The following HDAC9 variants were observed in gnomAD, a reference collection of about 807,000 sequenced individuals.
HDAC9 encodes MEF-2 interacting transcription repressor (MITR) protein.
Under a neutral mutation model 139.4 loss-of-function variants are expected in HDAC9, and 41 were observed. The observed-to-expected ratio is 0.29, with a 90% CI of 0.23 to 0.38. The LOEUF (loss-of-function observed/expected upper bound fraction) is 0.38. Ranked by LOEUF, HDAC9 falls within the 10% of genes least tolerant of loss-of-function variation. HDAC9 has a pLI of 1.00. For synonymous variants in HDAC9, 517 were observed against 476.2 expected (o/e 1.09, Z -1.12); for missense variants, 1,147 against 1,297.0 (o/e 0.88, Z 1.78).
chr7:18,290,422 A>G (rs1190222621), exon 1 of HDAC9: 1 of 454,586 alleles, frequency 2.2e-6, no homozygotes, highest in East Asian at 6.9e-5. Context: ...GTGGCTCTTT[A>G]ATATTATAAC....
At chr7:18,434,185 T>C (rs1393176133) in intron 1 of HDAC9, among the ~76,000 whole-genome samples, 1 of 152,198 alleles carries the variant, frequency 6.6e-6, no homozygotes, top group East Asian at 1.9e-4. Context: ...ATATAATATA[T>C]GGCACTGGAG....
intron 12 of HDAC9, among the ~76,000 whole-genome samples, chr7:18,711,382 A>G (rs976257845): frequency 6.6e-6 from 1 of 152,184 alleles, no homozygotes; most frequent in African/African-American, 2.4e-5. Context: ...TGGTAGTCTG[A>G]CTACTGGAGT....
chr7:18,146,409 T>G (rs1312735557), intron 1 of HDAC9, among the ~76,000 whole-genome samples: 1 of 152,182 alleles, frequency 6.6e-6, no homozygotes, highest in African/African-American at 2.4e-5. Context: ...GGGCTCAGGC[T>G]TGGCTTGGTC....
At chr7:18,483,300 A>G (rs768169956) in intron 1 of HDAC9, among the ~76,000 whole-genome samples, 6 of 152,204 alleles carry the variant, frequency 3.9e-5, no homozygotes, top group Non-Finnish European at 7.3e-5. Flanking sequence ...GCAACTAGAA[A>G]GGACATGTGC....
chr7:18,985,766 C>G (rs1785295707), intron 25 of HDAC9, among the ~76,000 whole-genome samples: 2 of 141,898 alleles, frequency 1.4e-5, no homozygotes, highest in South Asian at 4.5e-4. Flanking sequence ...ACCATTCTAA[C>G]TGGTGTGAGA....
Position 18,432,950 on chromosome 7 carries a change from TA to T in HDAC9, c.-41-63297del, listed in dbSNP as rs371784284. The stretch of plus-strand genomic sequence containing the variant: ...TGGGCAACAGAATGAGACTCTGTCT[TA>T]AAAAAAAAAAAAAAGAAAAGAAATA... On this transcript the variant is annotated intron_variant, in intron 1 of 3. Coordinates refer to the HDAC9 transcript ENST00000413509. Among the ~76,000 whole-genome samples, 463 of 130,710 alleles carry T rather than the reference TA, an allele frequency of 3.5e-3. 1 individual carries two copies. Among genetic ancestry groups the T allele is most frequent in the Non-Finnish European group, 3.6e-3 (219 of 60,484 alleles). The allele number at this position is 130,710 out of a possible 152,430, so 85.8% of individuals were successfully genotyped here.
intron 12 of HDAC9, among the ~76,000 whole-genome samples, chr7:18,721,728 C>T (rs1426958396): frequency 2.0e-5 from 3 of 151,882 alleles, no homozygotes; most frequent in Non-Finnish European, 4.4e-5. Flanking sequence ...AACAAGAAAG[C>T]AAAGCAAAAC....
intron 12 of HDAC9, among the ~76,000 whole-genome samples, chr7:18,725,631 A>G (rs1392484910): frequency 6.6e-6 from 1 of 152,168 alleles, no homozygotes; most frequent in East Asian, 1.9e-4. Context: ...ATTATAGTAG[A>G]AAGAAAGGGA....
At chr7:18,782,973 C>T (rs1031067919) in intron 16 of HDAC9, among the ~76,000 whole-genome samples, 2 of 152,068 alleles carry the variant, frequency 1.3e-5, no homozygotes, top group East Asian at 3.9e-4. Context: ...CAATGATGTC[C>T]TTGCCAATGC....
chr7:18,749,949 T>C (rs1788300253), intron 14 of HDAC9, among the ~76,000 whole-genome samples: 1 of 152,234 alleles, frequency 6.6e-6, no homozygotes, highest in Non-Finnish European at 1.5e-5. Context: ...ACTGGGTCTC[T>C]GTTAGGTTCT....
rs530706130 is a variant in HDAC9, at chr7:18,910,516, A to G, written c.2804-25293A>G. On this transcript the variant is annotated intron_variant, in intron 22 of 25. Transcript: ENST00000686413. ...AGGGAGTTTGACTTTCTCCTTTCCCATGTGAATGCCTTTTATGTTTTTCTC... is the reference window on the plus strand; with the variant it reads ...AGGGAGTTTGACTTTCTCCTTTCCCGTGTGAATGCCTTTTATGTTTTTCTC... Among the ~76,000 whole-genome samples the G allele has an allele frequency of 4.4e-4, 67 of 151,918 alleles. 1 individual carries two copies. Among genetic ancestry groups the G allele is most frequent in the Non-Finnish European group, 8.2e-4 (56 of 67,882 alleles).
intron 2 of HDAC9, among the ~76,000 whole-genome samples, chr7:18,170,579 G>T (rs1241673122): frequency 6.6e-6 from 1 of 151,858 alleles, no homozygotes; most frequent in Non-Finnish European, 1.5e-5. Context: ...TATGGTTTTA[G>T]GTCTAACATT....
chr7:18,636,802 C>T (rs1784035136), intron 8 of HDAC9, among the ~76,000 whole-genome samples: 1 of 151,922 alleles, frequency 6.6e-6, no homozygotes, highest in Admixed American at 6.6e-5. Context: ...TTTGTTAGTG[C>T]AGTTATATCT....
chr7:18,755,595 G>T (rs950066721), intron 14 of HDAC9, among the ~76,000 whole-genome samples: 1 of 152,076 alleles, frequency 6.6e-6, no homozygotes, highest in Non-Finnish European at 1.5e-5. Context: ...TTGCAATGTA[G>T]GGGGTTCAGT....
chr7:18,497,996 A>C (rs1797375854), intron 2 of HDAC9, among the ~76,000 whole-genome samples: 1 of 152,132 alleles, frequency 6.6e-6, no homozygotes, highest in South Asian at 2.1e-4. Flanking sequence ...GTTTGTGTAC[A>C]AAGCAACAAG....
In HDAC9 at chr7:18,552,962, G is replaced by A. The variant is rs115371539; in HGVS notation, c.23-32319G>A. Among the ~76,000 whole-genome samples the A allele has an allele frequency of 4.4e-3, 669 of 152,266 alleles. 5 individuals carry two copies. The highest frequency in any genetic ancestry group is 0.015 in the African/African-American group (627 of 41,550). ...AAACCATTTCTAATCCAAGTGTACTGGCAGCGTGTTATTTTCAGGAGTAGT... is the reference window on the plus strand; with the variant it reads ...AAACCATTTCTAATCCAAGTGTACTAGCAGCGTGTTATTTTCAGGAGTAGT... On this transcript the variant is annotated intron_variant, in intron 2 of 25. Coordinates refer to ENST00000686413, the MANE Select transcript of HDAC9 (RefSeq NM_178425.4).
Position 18,477,809 on chromosome 7 carries a change from G to A in HDAC9, c.-41-18453G>A, listed in dbSNP as rs7795635. 8.6e-3 allele frequency among the ~76,000 whole-genome samples: 1,313 copies of A among 152,194 alleles called. 18 individuals carry two copies. Among genetic ancestry groups the A allele is most frequent in the African/African-American group, 0.03 (1,236 of 41,536 alleles). ...AATTATATATATTCCTTTATCTAAT[G>A]TTAACGACTCACAGCCTGTAACTAC... On this transcript the variant is annotated intron_variant, in intron 1 of 3. Transcript: ENST00000413509.
intron 6 of HDAC9, among the ~76,000 whole-genome samples, chr7:18,598,504 C>A (rs1833064565): frequency 6.6e-6 from 1 of 152,158 alleles, no homozygotes; most frequent in Non-Finnish European, 1.5e-5. Flanking sequence ...AATTTAACCT[C>A]TCTAGGCCAC....
chr7:18,613,105 A>T (rs1340898839), intron 6 of HDAC9, among the ~76,000 whole-genome samples: 2 of 147,992 alleles, frequency 1.4e-5, no homozygotes, highest in East Asian at 3.9e-4. Context: ...TTTATATATA[A>T]ATATATATAA....
Sources: allele counts gnomAD v4.1 joint callset (sites outside exome capture counted in the v4.1 genomes callset), GRCh38; gene constraint gnomAD v4.1.1; transcripts MANE v1.5; gene names NCBI Gene and HGNC (gene_info 2026-07-23, HGNC 2026-07-21).